The following MCCC1 variants were observed in gnomAD, a reference collection of about 807,000 sequenced individuals.
MCCC1 encodes the protein methylcrotonyl-CoA carboxylase subunit 1.
Under a neutral mutation model 83.8 loss-of-function variants are expected in MCCC1, and 64 were observed. The ratio of observed to expected loss-of-function variants is 0.76; its 90% CI spans 0.62 to 0.94. The LOEUF is 0.94. Among genes scored for constraint, MCCC1 ranks in the 40% least tolerant of loss-of-function variants. The pLI is 0.00. For missense variants in MCCC1, 807 were observed against 904.7 expected (o/e 0.89, Z 1.39); for synonymous variants, 322 against 315.4 (o/e 1.02, Z -0.22).
rs1003406497 is a variant in MCCC1 at position 183,064,400 on chromosome 3, G to T, written c.761+6599C>A. 6.6e-6 allele frequency among the ~76,000 whole-genome samples: 1 copy of T among 152,180 alleles called. No individual in the cohort carries two copies. The highest frequency in any genetic ancestry group is 6.5e-5 in the Admixed American group (1 of 15,274). On this transcript the variant is annotated intron_variant, in intron 7 of 18. Coordinates refer to ENST00000265594, the MANE Select transcript of MCCC1 (RefSeq NM_020166.5). The surrounding 1 kb of genome is among the most constrained non-coding windows in gnomAD (Gnocchi z 4.5). ...TAGGAAAATTTGCGAGGTCCGAGAG[G>T]GACTGCAGGAAACGCCTCCCTTCCT...
intron 7 of MCCC1, among the ~76,000 whole-genome samples, chr3:183,061,926 G>C (rs560218883): frequency 2.6e-5 from 4 of 152,286 alleles, no homozygotes; most frequent in Non-Finnish European, 5.9e-5. Flanking sequence ...TGGTGGGAGG[G>C]ACCCGGCGGG....
intron 9 of MCCC1, among the ~76,000 whole-genome samples, chr3:183,049,181 T>G (rs1577290403): frequency 6.6e-6 from 1 of 151,966 alleles, no homozygotes; most frequent in East Asian, 1.9e-4. Context: ...TTTTAATTAA[T>G]GAGAAGAGAA....
intron 9 of MCCC1, among the ~76,000 whole-genome samples, chr3:183,046,856 C>A (rs888712543): frequency 6.6e-6 from 1 of 152,146 alleles, no homozygotes; most frequent in Non-Finnish European, 1.5e-5. Context: ...TCCTCAGAAC[C>A]AGAGAGACAG....
At chr3:183,042,737 A>C (rs571329555) in intron 10 of MCCC1, among the ~76,000 whole-genome samples, 58 of 152,324 alleles carry the variant, frequency 3.8e-4, no homozygotes, top group Admixed American at 3.8e-3. Context: ...TTGTCTCTAT[A>C]CTTACTTTGT....
chr3:183,105,560 G>T (rs1387887119), intron 1 of MCCC1, among the ~76,000 whole-genome samples: 1 of 152,176 alleles, frequency 6.6e-6, no homozygotes, highest in Admixed American at 6.6e-5. Flanking sequence ...AAGAAAAGTT[G>T]TTGGCTTGAG....
chr3:183,094,252 G>A (rs1377199075), intron 2 of MCCC1, among the ~76,000 whole-genome samples: 2 of 151,890 alleles, frequency 1.3e-5, no homozygotes, highest in African/African-American at 2.4e-5. Flanking sequence ...GTTTTGCCAT[G>A]TTGTCCAGGC....
At chr3:183,080,661 A>C (rs1343993593) in intron 4 of MCCC1, among the ~76,000 whole-genome samples, 1 of 151,960 alleles carries the variant, frequency 6.6e-6, no homozygotes, top group Non-Finnish European at 1.5e-5. Context: ...GTATCTTTTC[A>C]CAGCACCCTA....
chr3:183,033,441 A>C (rs1560214645), intron 14 of MCCC1, among the ~76,000 whole-genome samples: 4 of 152,192 alleles, frequency 2.6e-5, no homozygotes. Context: ...TGGGTATAAC[A>C]GCGACTCCCC....
intron 1 of MCCC1, among the ~76,000 whole-genome samples, chr3:183,105,905 T>C (rs746620496): frequency 1.1e-4 from 17 of 151,682 alleles, no homozygotes; most frequent in Non-Finnish European, 1.9e-4. Context: ...CTGGCCAACA[T>C]GGTGAAACCC....
chr3:183,021,734 T>C (rs1712177204), intron 16 of MCCC1, among the ~76,000 whole-genome samples: 1 of 152,186 alleles, frequency 6.6e-6, no homozygotes, highest in African/African-American at 2.4e-5. Flanking sequence ...AAGGAATGCC[T>C]GGCAAAGTGG....
intron 9 of MCCC1, among the ~76,000 whole-genome samples, chr3:183,051,699 G>A (rs753327658): frequency 1.3e-5 from 2 of 150,976 alleles, no homozygotes; most frequent in African/African-American, 2.4e-5. Flanking sequence ...ATGTAGGGTC[G>A]CTGACTGTAA....
intron 14 of MCCC1, among the ~76,000 whole-genome samples, chr3:183,030,077 G>A (rs755005206): frequency 9.9e-5 from 15 of 152,182 alleles, no homozygotes; most frequent in Non-Finnish European, 1.5e-5. Flanking sequence ...GGAGGCCGAG[G>A]TGGGCGGATA....
At chr3:183,109,136 C>T (rs1034036699) in intron 1 of MCCC1, among the ~76,000 whole-genome samples, 1 of 151,992 alleles carries the variant, frequency 6.6e-6, no homozygotes, top group African/African-American at 2.4e-5. Context: ...GGATTACAGG[C>T]GCCGGCCACC....
At chr3:183,059,171 G>C (rs1029097673) in intron 7 of MCCC1, among the ~76,000 whole-genome samples, 1 of 152,122 alleles carries the variant, frequency 6.6e-6, no homozygotes, top group Non-Finnish European at 1.5e-5. Flanking sequence ...GCCAGGTGTG[G>C]TGGCACACAC....
At chr3:183,062,319 G>A (rs1017077483) in intron 7 of MCCC1, among the ~76,000 whole-genome samples, 2 of 151,186 alleles carry the variant, frequency 1.3e-5, no homozygotes, top group Admixed American at 1.3e-4. Flanking sequence ...CAAGAGCACA[G>A]AGCAATTCTT....
chr3:183,100,608 GCA>G (rs764660375), upstream of MCCC1, among the ~76,000 whole-genome samples: 1 of 152,124 alleles, frequency 6.6e-6, no homozygotes, highest in East Asian at 1.9e-4. Context: ...AAGATATCAC[GCA>G]CACACACACG....
intron 4 of MCCC1, among the ~76,000 whole-genome samples, chr3:183,085,526 G>A (rs1717827222): frequency 6.6e-6 from 1 of 151,344 alleles, no homozygotes; most frequent in South Asian, 2.1e-4. Context: ...CTACCTGGGA[G>A]GCTGAAGTGG....
intron 15 of MCCC1, among the ~76,000 whole-genome samples, chr3:183,024,543 G>C (rs759702034): frequency 6.6e-6 from 1 of 151,776 alleles, no homozygotes; most frequent in African/African-American, 2.4e-5. Context: ...AACATCATTA[G>C]TCATTATGGA....
intron 8 of MCCC1, among the ~76,000 whole-genome samples, 153 bp downstream of exon 8, chr3:183,057,158 C>G (rs1170440148): frequency 6.6e-6 from 1 of 152,204 alleles, no homozygotes; most frequent in Non-Finnish European, 1.5e-5. Flanking sequence ...CCCAATACCA[C>G]AGGAGGTCTT....
Sources: allele counts gnomAD v4.1 joint callset (sites outside exome capture counted in the v4.1 genomes callset), GRCh38; gene constraint gnomAD v4.1.1; non-coding constraint Gnocchi (gnomAD v3.1); transcripts MANE v1.5; gene names NCBI Gene and HGNC (gene_info 2026-07-23, HGNC 2026-07-21).